The following RTN4RL1 variants were observed in gnomAD, a reference collection of about 807,000 sequenced individuals.
The protein encoded by RTN4RL1 is reticulon-4 receptor-like 1.
RTN4RL1 carries 7 observed loss-of-function variants against 25.6 expected under a neutral mutation model. That is an observed-to-expected ratio of 0.27 (90% CI 0.16 to 0.51). The LOEUF is 0.51. Ranked by LOEUF, RTN4RL1 falls within the 20% of genes least tolerant of loss-of-function variation. The probability of loss-of-function intolerance (pLI) is 0.97; values close to 1 mark genes in which losing one functional copy is unlikely to be tolerated. For missense variants in RTN4RL1, 500 were observed against 615.6 expected (o/e 0.81, Z 1.99); for synonymous variants, 297 against 288.2 (o/e 1.03, Z -0.31).
At chr17:2,007,476 C>G (rs567675827) in intron 1 of RTN4RL1, among the ~76,000 whole-genome samples, 1 of 152,250 alleles carries the variant, frequency 6.6e-6, no homozygotes, top group African/African-American at 2.4e-5. Flanking sequence ...GGCCTTCACC[C>G]AGCCAGCTCC....
chr17:1,987,338 T>C (rs949849813), intron 1 of RTN4RL1, among the ~76,000 whole-genome samples: 1 of 152,074 alleles, frequency 6.6e-6, no homozygotes, highest in Non-Finnish European at 1.5e-5. Flanking sequence ...GGCCCACAAC[T>C]TTCGTTCAAG....
intron 1 of RTN4RL1, among the ~76,000 whole-genome samples, chr17:1,961,630 A>G (rs1355924914): frequency 1.3e-5 from 2 of 151,996 alleles, no homozygotes; most frequent in Non-Finnish European, 2.9e-5. Context: ...CACAGACACA[A>G]AGAAAAGTAG....
At chr17:2,004,892 G>A (rs1455311954) in intron 1 of RTN4RL1, among the ~76,000 whole-genome samples, 1 of 152,244 alleles carries the variant, frequency 6.6e-6, no homozygotes, top group Admixed American at 6.5e-5. Context: ...GCCGGCACAT[G>A]GAGCATGCCT....
intron 1 of RTN4RL1, among the ~76,000 whole-genome samples, chr17:1,959,291 T>C (rs1376649465): frequency 6.6e-6 from 1 of 152,228 alleles, no homozygotes; most frequent in Non-Finnish European, 1.5e-5. Context: ...CCTATCATGG[T>C]ATTGCTGAAT....
chr17:1,981,063 T>C (rs1410440534), intron 1 of RTN4RL1, among the ~76,000 whole-genome samples: 1 of 151,828 alleles, frequency 6.6e-6, no homozygotes, highest in Non-Finnish European at 1.5e-5. Flanking sequence ...CAGGAGCCCC[T>C]TGTGACCCAC....
intron 1 of RTN4RL1, among the ~76,000 whole-genome samples, chr17:2,000,416 C>T (rs2066951741): frequency 6.6e-6 from 1 of 152,062 alleles, no homozygotes; most frequent in Non-Finnish European, 1.5e-5. Flanking sequence ...GGCATGGTCT[C>T]GGTGCTACCT....
chr17:1,995,482 G>A (rs893800444), intron 1 of RTN4RL1: 2 of 151,768 alleles, frequency 1.3e-5, no homozygotes, highest in African/African-American at 4.8e-5. Context: ...CAGCCAGGAG[G>A]GCCTAAGCTT....
chr17:1,950,973 A>C (rs1333657126), intron 1 of RTN4RL1, among the ~76,000 whole-genome samples: 1 of 150,562 alleles, frequency 6.6e-6, no homozygotes, highest in Non-Finnish European at 1.5e-5. Context: ...ACTAAAGAAT[A>C]GCTACTCCAT....
chr17:2,002,503 A>G (rs1456255521), intron 1 of RTN4RL1, among the ~76,000 whole-genome samples: 1 of 150,702 alleles, frequency 6.6e-6, no homozygotes. Flanking sequence ...CGTGTTAGCC[A>G]GGATGGTCTC....
intron 1 of RTN4RL1, among the ~76,000 whole-genome samples, chr17:1,969,916 G>A (rs9907663): frequency 0.1 from 15,333 of 152,042 alleles, 1,082 homozygotes; most frequent in African/African-American, 0.18. Context: ...GTTGCAGTCA[G>A]ATGGTGGCAG....
Position 1,953,893 on chromosome 17 carries a change from T to C in RTN4RL1, c.14-16085A>G, listed in dbSNP as rs138322007. Among the ~76,000 whole-genome samples, 11 of 152,248 alleles carry C rather than the reference T, an allele frequency of 7.2e-5. No homozygotes were observed. In the South Asian group the frequency reaches 2.1e-3, roughly 29 times the overall value. On this transcript the variant is annotated intron_variant, in intron 1 of 1. Coordinates refer to ENST00000331238, the MANE Select transcript of RTN4RL1 (RefSeq NM_178568.4). ...AAATTTTTTTTAAAGGATTGGGAGA[T>C]ACAAGGAAGAGATGTTCTACCTCCT...
chr17:1,936,543 C>T lies in RTN4RL1; in HGVS notation c.1279G>A (p.Ala427Thr). 6.4e-7 allele frequency: 1 copy of T among 1,554,508 alleles called. No individual in the cohort carries two copies. The highest frequency in any genetic ancestry group is 8.7e-7 in the Non-Finnish European group (1 of 1,151,042). Residue 427 changes from alanine to threonine, a missense_variant, in exon 2 of 2, where the codon GCC (alanine) becomes ACC (threonine). Coordinates refer to ENST00000331238, the MANE Select transcript of RTN4RL1 (RefSeq NM_178568.4). ...CCCAGTGTCCAGGCCAGGAGGGAGGCCCCCAGGGAACTGGCCGAGGAGGCC... is the reference window on the plus strand; with the variant it reads ...CCCAGTGTCCAGGCCAGGAGGGAGGTCCCCAGGGAACTGGCCGAGGAGGCC... ...QQASSASSLG[A>T]SLLAWTLGLA...
At chr17:1,990,033 G>A (rs1297894488) in intron 1 of RTN4RL1, among the ~76,000 whole-genome samples, 1 of 152,090 alleles carries the variant, frequency 6.6e-6, no homozygotes, top group Non-Finnish European at 1.5e-5. Flanking sequence ...CCACAGAACT[G>A]TACACTTAAA....
At chr17:1,937,922 C>A in intron 1 of RTN4RL1, 114 bp from the exon 2 acceptor site, 1 of 883,824 alleles carries the variant, frequency 1.1e-6, no homozygotes. Context: ...TCCGTGAGAG[C>A]CTTGTCCCTG....
rs2067027427 is a variant in RTN4RL1 at position 2,009,454 on chromosome 17, T to TG, written c.13+15398dup. 2.7e-5 allele frequency among the ~76,000 whole-genome samples: 2 copies of TG among 74,536 alleles called. 1 individual carries two copies. The highest frequency in any genetic ancestry group is 5.3e-5 in the Non-Finnish European group (2 of 37,500). The allele number at this position is 74,536 out of a possible 152,430, so 48.9% of individuals were successfully genotyped here. A position where few individuals can be genotyped will look rare whatever the true frequency, so the allele number is the denominator to read the frequency against. ...TAAAAACACAAAAATTAGCTGGGCGTGGTGGTGTGTGCCTGTAATCTCAGC... is the reference window on the plus strand; with the variant it reads ...TAAAAACACAAAAATTAGCTGGGCGTGGGTGGTGTGTGCCTGTAATCTCAGC... On this transcript the variant is annotated intron_variant, in intron 1 of 1. Transcript: ENST00000331238.
chr17:2,025,038 C>A lies in RTN4RL1; in HGVS notation c.-173G>T. 1 of 550,020 alleles carries A rather than the reference C, an allele frequency of 1.8e-6. No individual in the cohort carries two copies. Among genetic ancestry groups the A allele is most frequent in the Non-Finnish European group, 2.9e-6 (1 of 340,544 alleles). 34.1% of individuals were successfully genotyped at this position (550,020 alleles called of 1,614,324 possible). A position where few individuals can be genotyped will look rare whatever the true frequency, so the allele number is the denominator to read the frequency against. On this transcript the variant is annotated 5_prime_UTR_variant, in exon 1 of 2. Coordinates refer to ENST00000331238, the MANE Select transcript of RTN4RL1 (RefSeq NM_178568.4). The surrounding 1 kb of genome is among the most constrained non-coding windows in gnomAD (Gnocchi z 4.8). ...CCCGCAGGGGCATGGTGAGCTCCAG[C>A]CCCGCGCCGAGGGCACCGGCGCCCG...
At chr17:2,024,592 C>A (rs1322251447) in intron 1 of RTN4RL1, among the ~76,000 whole-genome samples, 2 of 152,170 alleles carry the variant, frequency 1.3e-5, no homozygotes, top group Non-Finnish European at 2.9e-5. Context: ...CGGCCGCTCA[C>A]TCTGGTCTCC....
chr17:2,016,888 C>CTCAG (rs1266771017), intron 1 of RTN4RL1, among the ~76,000 whole-genome samples: 1 of 152,226 alleles, frequency 6.6e-6, no homozygotes, highest in Non-Finnish European at 1.5e-5. Flanking sequence ...TCCCAGCTTG[C>CTCAG]TCAGACAAGC....
At chr17:1,981,993 AGAGT>A (rs1464709026) in intron 1 of RTN4RL1, among the ~76,000 whole-genome samples, 1 of 152,270 alleles carries the variant, frequency 6.6e-6, no homozygotes, top group Non-Finnish European at 1.5e-5. Context: ...CTGTAACACA[AGAGT>A]GAGTATTTAT....
Sources: gnomAD v4.1 joint callset for allele counts (sites outside exome capture counted in the v4.1 genomes callset) on GRCh38, gnomAD v4.1.1 for gene constraint, Gnocchi (gnomAD v3.1) non-coding constraint, MANE v1.5 for transcripts, NCBI Gene and HGNC (gene_info 2026-07-23, HGNC 2026-07-21) for gene names.